The following GLIS3 variants were observed in gnomAD, a reference collection of about 807,000 sequenced individuals.
GLIS3 encodes the protein zinc finger protein GLIS3.
Under a neutral mutation model 78.6 loss-of-function variants are expected in GLIS3, and 53 were observed. The ratio of observed to expected loss-of-function variants is 0.67; its 90% CI spans 0.54 to 0.85. The LOEUF (loss-of-function observed/expected upper bound fraction) is 0.85. Ranked by LOEUF, GLIS3 falls within the 40% of genes least tolerant of loss-of-function variation. The probability of loss-of-function intolerance (pLI) is 0.00; values close to 1 mark genes in which losing one functional copy is unlikely to be tolerated. For missense variants in GLIS3, 1,703 were observed against 1,231.1 expected (o/e 1.38, Z -5.74); for synonymous variants, 684 against 509.9 (o/e 1.34, Z -4.60).
chr9:4,405,901 A>C, the GLIS3 span, among the ~76,000 whole-genome samples: 23 of 152,368 alleles, frequency 1.5e-4, no homozygotes, highest in African/African-American at 5.3e-4. Flanking sequence ...CCAGGGATGC[A>C]AGGATGGTTC....
At chr9:4,312,958 C>T (rs893396434) in intron 2 of GLIS3, among the ~76,000 whole-genome samples, 2 of 152,198 alleles carry the variant, frequency 1.3e-5, no homozygotes, top group Admixed American at 1.3e-4. Flanking sequence ...CACTGAGGTA[C>T]AGAAAAATTA....
intron 7 of GLIS3, among the ~76,000 whole-genome samples, chr9:3,894,205 T>C (rs1183881263): frequency 6.6e-6 from 1 of 152,242 alleles, no homozygotes; most frequent in African/African-American, 2.4e-5. Flanking sequence ...TTAATGCAAG[T>C]AATAACTATG....
chr9:4,212,304 G>A (rs1408479079), intron 2 of GLIS3, among the ~76,000 whole-genome samples: 1 of 152,188 alleles, frequency 6.6e-6, no homozygotes, highest in Non-Finnish European at 1.5e-5. Flanking sequence ...GATGTCTTCA[G>A]CTTCATTTCA....
At chr9:4,446,598 C>T in the GLIS3 span, among the ~76,000 whole-genome samples, 2 of 150,854 alleles carry the variant, frequency 1.3e-5, no homozygotes, top group African/African-American at 4.9e-5. Flanking sequence ...CAACCTCCAC[C>T]TCCTGGGTTC....
At chr9:4,207,876 A>G (rs760172535) in intron 2 of GLIS3, among the ~76,000 whole-genome samples, 8 of 152,194 alleles carry the variant, frequency 5.3e-5, no homozygotes, top group African/African-American at 9.7e-5. Flanking sequence ...TGGGTCACTG[A>G]TTCTATAATT....
intron 4 of GLIS3, among the ~76,000 whole-genome samples, chr9:3,960,604 A>C (rs1157460277): frequency 6.6e-6 from 1 of 152,222 alleles, no homozygotes; most frequent in Non-Finnish European, 1.5e-5. Flanking sequence ...ATGTTGAATA[A>C]ATTAATGAAA....
intron 2 of GLIS3, among the ~76,000 whole-genome samples, chr9:4,209,157 G>A (rs1820150963): frequency 1.3e-5 from 2 of 152,090 alleles, no homozygotes; most frequent in Admixed American, 6.5e-5. Flanking sequence ...CCACTCTGGA[G>A]ACCCCCTGAT....
At chr9:4,345,273 G>A (rs185140901) in intron 2 of GLIS3, among the ~76,000 whole-genome samples, 2 of 151,998 alleles carry the variant, frequency 1.3e-5, no homozygotes, top group Non-Finnish European at 2.9e-5. Context: ...TCTCACCTAC[G>A]TCAGGCATTT....
intron 4 of GLIS3, among the ~76,000 whole-genome samples, chr9:4,051,324 G>A (rs1285438557): frequency 5.3e-5 from 8 of 152,186 alleles, no homozygotes; most frequent in Non-Finnish European, 1.0e-4. Context: ...GCGGGGATAG[G>A]GGGTTGCCAC....
chr9:4,033,057 G>C (rs1031591383), intron 4 of GLIS3, among the ~76,000 whole-genome samples: 19 of 152,054 alleles, frequency 1.2e-4, no homozygotes, highest in Non-Finnish European at 2.1e-4. Context: ...GTTTCACCGG[G>C]TTAGCCAGGA....
chr9:4,148,342 A>C (rs1320806317), intron 2 of GLIS3, among the ~76,000 whole-genome samples: 1 of 152,052 alleles, frequency 6.6e-6, no homozygotes, highest in Non-Finnish European at 1.5e-5. Context: ...GGCAGCCTGA[A>C]ATCCCTGGTC....
intron 4 of GLIS3, among the ~76,000 whole-genome samples, chr9:4,114,721 CA>C (rs1831498784): frequency 6.6e-6 from 1 of 152,080 alleles, no homozygotes; most frequent in East Asian, 1.9e-4. Context: ...CTTTACTTCT[CA>C]AGCCCTTTGC....
At chr9:4,396,897 G>C in the GLIS3 span, among the ~76,000 whole-genome samples, 1 of 152,064 alleles carries the variant, frequency 6.6e-6, no homozygotes, top group Admixed American at 6.5e-5. Context: ...TGAGAGTTTT[G>C]CTCCTTCGCC....
At chr9:4,226,876 T>C (rs1821815013) in intron 2 of GLIS3, among the ~76,000 whole-genome samples, 1 of 152,144 alleles carries the variant, frequency 6.6e-6, no homozygotes, top group African/African-American at 2.4e-5. Flanking sequence ...TATTAATTAG[T>C]TTGGAGTAAA....
At chr9:4,163,456 T>C (rs916404713) in intron 2 of GLIS3, among the ~76,000 whole-genome samples, 3 of 152,368 alleles carry the variant, frequency 2.0e-5, no homozygotes, top group South Asian at 2.1e-4. Flanking sequence ...TGGGAATAAT[T>C]TGTGACCAAA....
intron 6 of GLIS3, among the ~76,000 whole-genome samples, chr9:3,911,267 T>C (rs1188065289): frequency 6.6e-6 from 1 of 152,226 alleles, no homozygotes; most frequent in Non-Finnish European, 1.5e-5. Context: ...GTGGCATGAA[T>C]AAAAATCATC....
At chr9:4,450,715 T>A in the GLIS3 span, among the ~76,000 whole-genome samples, 7 of 152,124 alleles carry the variant, frequency 4.6e-5, no homozygotes, top group Non-Finnish European at 8.8e-5. Context: ...AAGAAAAGAA[T>A]TTTCAACCCA....
intron 4 of GLIS3, among the ~76,000 whole-genome samples, chr9:4,000,725 T>A (rs979348181): frequency 6.6e-6 from 1 of 152,142 alleles, no homozygotes; most frequent in Non-Finnish European, 1.5e-5. Context: ...TGCAGCTTCC[T>A]CCCTGCCGCT....
At chr9:4,039,936 G>A (rs954777459) in intron 4 of GLIS3, among the ~76,000 whole-genome samples, 2 of 152,172 alleles carry the variant, frequency 1.3e-5, no homozygotes, top group African/African-American at 4.8e-5. Context: ...CCAAGCCCAA[G>A]GCCAGTGCAT....
Sources: gnomAD v4.1 joint callset for allele counts (sites outside exome capture counted in the v4.1 genomes callset) on GRCh38, gnomAD v4.1.1 for gene constraint, MANE v1.5 for transcripts, NCBI Gene and HGNC (gene_info 2026-07-23, HGNC 2026-07-21) for gene names.